Variants in TEAD1 observed in about 807,000 individuals in gnomAD.
The protein encoded by TEAD1 is TEA domain transcription factor 1.
TEAD1 carries 9 observed loss-of-function variants against 54.9 expected under a neutral mutation model. That is an observed-to-expected ratio of 0.16 (90% CI 0.10 to 0.29). The LOEUF (loss-of-function observed/expected upper bound fraction) is 0.29, where lower values mean the gene tolerates loss of function less well. TEAD1 is among the 10% of genes least tolerant of loss of function. The pLI is 1.00. For missense variants in TEAD1, 387 were observed against 535.9 expected (o/e 0.72, Z 2.74); for synonymous variants, 200 against 187.8 (o/e 1.07, Z -0.53).
chr11:12,812,181 A>G (rs1590175247), intron 3 of TEAD1, among the ~76,000 whole-genome samples: 1 of 152,076 alleles, frequency 6.6e-6, no homozygotes, highest in South Asian at 2.1e-4. Flanking sequence ...GTGGTTGTGG[A>G]CTGAGAAAAT....
chr11:12,753,007 ATT>A (rs1276478132), intron 2 of TEAD1, among the ~76,000 whole-genome samples: 14 of 138,024 alleles, frequency 1.0e-4, no homozygotes, highest in Non-Finnish European at 1.3e-4. Context: ...CACCCAGCTA[ATT>A]TTTTTTTTTT....
chr11:12,847,563 T>C (rs1353055205), intron 3 of TEAD1, among the ~76,000 whole-genome samples: 3 of 152,100 alleles, frequency 2.0e-5, no homozygotes, highest in African/African-American at 7.2e-5. Flanking sequence ...TAAGGATTTT[T>C]AGAGACAGAA....
At chr11:12,714,103 G>A (rs1482908878) in intron 2 of TEAD1, among the ~76,000 whole-genome samples, 1 of 152,164 alleles carries the variant, frequency 6.6e-6, no homozygotes, top group Admixed American at 6.5e-5. Flanking sequence ...GTGGGGTGGA[G>A]TATTTGGGTA....
intron 2 of TEAD1, among the ~76,000 whole-genome samples, chr11:12,717,130 A>G (rs1944081463): frequency 1.3e-5 from 2 of 152,246 alleles, no homozygotes; most frequent in Non-Finnish European, 2.9e-5. Flanking sequence ...AATGTAATGA[A>G]TGTAGTTATA....
intron 3 of TEAD1, among the ~76,000 whole-genome samples, chr11:12,775,577 A>T (rs1406534050): frequency 6.6e-6 from 1 of 152,228 alleles, no homozygotes; most frequent in Non-Finnish European, 1.5e-5. Flanking sequence ...TTTAAAATAA[A>T]TGATCATTAT....
intron 3 of TEAD1, among the ~76,000 whole-genome samples, chr11:12,799,571 C>T (rs1946006912): frequency 6.6e-6 from 1 of 152,150 alleles, no homozygotes; most frequent in Admixed American, 6.5e-5. Context: ...TTTATAATTG[C>T]TTTTTCAGAT....
chr11:12,729,944 C>T (rs1488156855), intron 2 of TEAD1, among the ~76,000 whole-genome samples: 3 of 152,146 alleles, frequency 2.0e-5, no homozygotes, highest in African/African-American at 4.8e-5. Context: ...AGATTCACAG[C>T]GCAGCATATT....
intron 10 of TEAD1, among the ~76,000 whole-genome samples, chr11:12,903,813 A>G (rs1374806839): frequency 6.6e-6 from 1 of 152,058 alleles, no homozygotes; most frequent in African/African-American, 2.4e-5. Context: ...CCCTGTTCCA[A>G]AAAAAAAGAA....
chr11:12,929,855 C>A (rs1022934119), intron 11 of TEAD1, among the ~76,000 whole-genome samples: 3 of 152,160 alleles, frequency 2.0e-5, no homozygotes, highest in Non-Finnish European at 4.4e-5. Context: ...CCTGCTCTTA[C>A]AGATCTCCTC....
intron 3 of TEAD1, among the ~76,000 whole-genome samples, chr11:12,797,030 G>A (rs960401927): frequency 2.6e-5 from 4 of 152,022 alleles, no homozygotes; most frequent in East Asian, 1.9e-4. Context: ...GGAGAATGGC[G>A]TGAACCCGGG....
At chr11:12,898,945 C>T (rs1948370305) in intron 9 of TEAD1, among the ~76,000 whole-genome samples, 1 of 152,154 alleles carries the variant, frequency 6.6e-6, no homozygotes, top group Non-Finnish European at 1.5e-5. Context: ...CCTTCTTGAC[C>T]TGTAGATGTC....
At chr11:12,680,126 A>G (rs1441303379) in intron 2 of TEAD1, among the ~76,000 whole-genome samples, 4 of 152,232 alleles carry the variant, frequency 2.6e-5, no homozygotes, top group Admixed American at 2.0e-4. Context: ...TTAGAAGGTA[A>G]TTGCTTTATC....
chr11:12,801,977 T>C (rs1201843129), intron 3 of TEAD1, among the ~76,000 whole-genome samples: 1 of 152,208 alleles, frequency 6.6e-6, no homozygotes, highest in African/African-American at 2.4e-5. Context: ...AGGGCTGAAA[T>C]GGGCACCTTC....
chr11:12,838,133 A>G (rs1946945478), intron 3 of TEAD1, among the ~76,000 whole-genome samples: 1 of 152,138 alleles, frequency 6.6e-6, no homozygotes, highest in African/African-American at 2.4e-5. Flanking sequence ...CTGTCACTTA[A>G]TGACTTACAA....
chr11:12,892,658 C>T (rs756133914), intron 9 of TEAD1, among the ~76,000 whole-genome samples: 15 of 151,994 alleles, frequency 9.9e-5, no homozygotes, highest in Admixed American at 2.6e-4. Flanking sequence ...AATAAATAAA[C>T]AAAAATAAAA....
intron 2 of TEAD1, among the ~76,000 whole-genome samples, chr11:12,698,512 G>GTTTT (rs77396552): frequency 6.9e-6 from 1 of 144,726 alleles, no homozygotes; most frequent in Non-Finnish European, 1.5e-5. Context: ...CTTAAAGAGG[G>GTTTT]TTTTTTTTTT....
chr11:12,735,686 G>T (rs1944517431), intron 2 of TEAD1, among the ~76,000 whole-genome samples: 1 of 151,718 alleles, frequency 6.6e-6, no homozygotes, highest in African/African-American at 2.4e-5. Flanking sequence ...GTATCCCCTG[G>T]TCCCACCACC....
chr11:12,689,022 T>G (rs3886440), intron 2 of TEAD1, among the ~76,000 whole-genome samples: 2,700 of 152,178 alleles, frequency 0.018, 85 homozygotes, highest in African/African-American at 0.058. Context: ...TGTTTTTTTT[T>G]TTGTTGTTGT....
At chr11:12,750,140 G>A (rs7930280) in intron 2 of TEAD1, among the ~76,000 whole-genome samples, 3,437 of 152,252 alleles carry the variant, frequency 0.023, 144 homozygotes, top group African/African-American at 0.079. Flanking sequence ...GCATTAGCTC[G>A]TGTCGGCATT....
Sources: allele counts gnomAD v4.1 joint callset (sites outside exome capture counted in the v4.1 genomes callset), GRCh38; gene constraint gnomAD v4.1.1; transcripts MANE v1.5; gene names NCBI Gene and HGNC (gene_info 2026-07-23, HGNC 2026-07-21).